The following SNTG1 variants were observed in gnomAD, a reference collection of about 807,000 sequenced individuals.
SNTG1 encodes syntrophin gamma 1.
A neutral mutation model predicts 74.7 loss-of-function variants in SNTG1; 39 were observed. The observed-to-expected ratio is 0.52, with a 90% CI of 0.40 to 0.68. The LOEUF (loss-of-function observed/expected upper bound fraction) is 0.68, where lower values mean the gene tolerates loss of function less well. Among genes scored for constraint, SNTG1 ranks in the 30% least tolerant of loss-of-function variants. The pLI is 0.00. For missense variants in SNTG1, 685 were observed against 609.5 expected (o/e 1.12, Z -1.30); for synonymous variants, 254 against 217.1 (o/e 1.17, Z -1.49).
At chr8:50,473,105 G>A (rs187418226) in intron 8 of SNTG1, among the ~76,000 whole-genome samples, 34 of 152,190 alleles carry the variant, frequency 2.2e-4, no homozygotes, top group Non-Finnish European at 4.4e-4. Context: ...CAATCCCCAC[G>A]TTCCCCAAGT....
intron 2 of SNTG1, among the ~76,000 whole-genome samples, chr8:50,358,294 C>G (rs1239722820): frequency 1.3e-5 from 2 of 152,224 alleles, no homozygotes; most frequent in South Asian, 4.1e-4. Context: ...CGCTCACACT[C>G]CTACATCTGC....
Position 50,102,797 on chromosome 8 carries a change from C to G in SNTG1, c.-102-69764C>G, listed in dbSNP as rs965299988. Among the ~76,000 whole-genome samples the G allele has an allele frequency of 7.3e-5, 11 of 150,658 alleles. 1 individual carries two copies. Among genetic ancestry groups the G allele is most frequent in the African/African-American group, 2.4e-4 (10 of 40,916 alleles). On this transcript the variant is annotated intron_variant, in intron 1 of 18. Transcript: ENST00000642720. ...ACATATGGCTAGCCAGTTTTCCCAG[C>G]CCCATTTATTAAATAGGGAATCCTT...
chr8:50,455,651 T>C (rs2093498215), intron 8 of SNTG1, among the ~76,000 whole-genome samples: 2 of 152,196 alleles, frequency 1.3e-5, no homozygotes, highest in Non-Finnish European at 2.9e-5. Flanking sequence ...ACATATTCTT[T>C]TTTACTTTAG....
intron 2 of SNTG1, among the ~76,000 whole-genome samples, chr8:50,383,476 A>C (rs570300851): frequency 1.3e-5 from 2 of 152,368 alleles, no homozygotes; most frequent in South Asian, 4.1e-4. Flanking sequence ...GTAAGTGTAC[A>C]TGCACATACA....
intron 2 of SNTG1, among the ~76,000 whole-genome samples, chr8:50,207,032 T>A (rs1275760897): frequency 6.6e-6 from 1 of 152,158 alleles, no homozygotes; most frequent in Non-Finnish European, 1.5e-5. Flanking sequence ...ATTGTCTTTT[T>A]TTGTTGTGTC....
At chr8:50,596,784 T>C (rs1393660676) in intron 13 of SNTG1, among the ~76,000 whole-genome samples, 1 of 152,118 alleles carries the variant, frequency 6.6e-6, no homozygotes, top group African/African-American at 2.4e-5. Flanking sequence ...TGTTTTTATA[T>C]AATTGAAACA....
intron 15 of SNTG1, among the ~76,000 whole-genome samples, chr8:50,681,287 A>C (rs1019710965): frequency 6.6e-6 from 1 of 151,482 alleles, no homozygotes; most frequent in Non-Finnish European, 1.5e-5. Flanking sequence ...TAGAGGATAT[A>C]GTTTTTTTTT....
chr8:50,292,478 T>C (rs955377089), intron 2 of SNTG1, among the ~76,000 whole-genome samples: 1 of 152,088 alleles, frequency 6.6e-6, no homozygotes, highest in Non-Finnish European at 1.5e-5. Flanking sequence ...ATCTCTCTGA[T>C]TGAAGTGTGA....
At chr8:50,481,276 G>A (rs552818914) in intron 8 of SNTG1, among the ~76,000 whole-genome samples, 1 of 152,254 alleles carries the variant, frequency 6.6e-6, no homozygotes, top group Admixed American at 6.5e-5. Flanking sequence ...AGCTACTCGG[G>A]AGGCTGAGGC....
chr8:50,015,366 CA>C (rs2130618305), intron 1 of SNTG1, among the ~76,000 whole-genome samples: 1 of 151,814 alleles, frequency 6.6e-6, no homozygotes, highest in South Asian at 2.1e-4. Context: ...AGTGGAAAAA[CA>C]ATGAAGAAAC....
intron 2 of SNTG1, among the ~76,000 whole-genome samples, chr8:50,309,112 A>G (rs944266743): frequency 6.6e-6 from 1 of 152,188 alleles, no homozygotes; most frequent in Non-Finnish European, 1.5e-5. Flanking sequence ...ATTTTACAAC[A>G]TTCATAGCCC....
At chr8:50,207,158 T>C (rs1307571130) in intron 2 of SNTG1, among the ~76,000 whole-genome samples, 3 of 152,224 alleles carry the variant, frequency 2.0e-5, no homozygotes, top group African/African-American at 7.2e-5. Flanking sequence ...CTCCTCTTTG[T>C]ACCTCTGGTA....
intron 13 of SNTG1, among the ~76,000 whole-genome samples, chr8:50,636,584 T>G (rs1198578580): frequency 6.6e-6 from 1 of 152,146 alleles, no homozygotes; most frequent in Non-Finnish European, 1.5e-5. Context: ...CACTATGCTC[T>G]CCTTCCCCAA....
At chr8:50,722,833 T>C (rs1029889825) in intron 17 of SNTG1, among the ~76,000 whole-genome samples, 15 of 152,212 alleles carry the variant, frequency 9.9e-5, no homozygotes, top group African/African-American at 3.6e-4. Flanking sequence ...AGAAAAATTA[T>C]ATGCTTATCA....
intron 1 of SNTG1, among the ~76,000 whole-genome samples, chr8:50,113,023 G>A (rs558768097): frequency 5.4e-4 from 82 of 152,248 alleles, no homozygotes; most frequent in African/African-American, 1.9e-3. Flanking sequence ...AAGTCAGGTA[G>A]CATGATGCCT....
rs138803073 is a variant in SNTG1 at position 50,714,052 on chromosome 8, C to G, written c.1284+5074C>G. ...CCAGCCTGGGTGACAGTGTGAGACT[C>G]CATTTCAAAAAAAAAAAAAAAAAAA... is the stretch of plus-strand genomic sequence containing the variant. On this transcript the variant is annotated intron_variant, in intron 17 of 18. Transcript: ENST00000642720. Among the ~76,000 whole-genome samples, 350 of 111,820 alleles carry G rather than the reference C, an allele frequency of 3.1e-3. 1 individual carries two copies. The highest frequency in any genetic ancestry group is 0.01 in the African/African-American group (340 of 33,828). 73.4% of individuals were successfully genotyped at this position (111,820 alleles called of 152,430 possible).
At chr8:50,116,513 A>G (rs1361550509) in intron 1 of SNTG1, among the ~76,000 whole-genome samples, 1 of 152,200 alleles carries the variant, frequency 6.6e-6, no homozygotes, top group Non-Finnish European at 1.5e-5. Flanking sequence ...CACATAAGAT[A>G]AAATTCTCAC....
chr8:50,791,958 G>C (rs895235310), intron 18 of SNTG1, among the ~76,000 whole-genome samples: 1 of 151,508 alleles, frequency 6.6e-6, no homozygotes, highest in African/African-American at 2.4e-5. Flanking sequence ...AACTTTTTCT[G>C]TTTTCACTGC....
chr8:49,935,781 A>C (rs1808028571), intron 1 of SNTG1, among the ~76,000 whole-genome samples: 1 of 152,166 alleles, frequency 6.6e-6, no homozygotes, highest in South Asian at 2.1e-4. Flanking sequence ...TGCAAAACCC[A>C]ACACTGCAAT....
Sources: allele counts gnomAD v4.1 joint callset (sites outside exome capture counted in the v4.1 genomes callset), GRCh38; gene constraint gnomAD v4.1.1; transcripts MANE v1.5; gene names NCBI Gene and HGNC (gene_info 2026-07-23, HGNC 2026-07-21).